Variants in ASTN2 observed in about 807,000 individuals in gnomAD.
The protein encoded by ASTN2 is astrotactin 2.
In ASTN2, 54 loss-of-function variants were observed where a neutral mutation model predicts 139.8. The observed-to-expected ratio is 0.39, with a 90% CI of 0.31 to 0.48. ASTN2 has a LOEUF of 0.48. Ranked by LOEUF, ASTN2 falls within the 20% of genes least tolerant of loss-of-function variation. The probability of loss-of-function intolerance (pLI) is 0.95; values close to 1 mark genes in which losing one functional copy is unlikely to be tolerated. For synonymous variants in ASTN2, 756 were observed against 719.5 expected, an observed-to-expected ratio of 1.05 and a Z score of -0.81; for missense variants, 1,565 against 1,725.1, an observed-to-expected ratio of 0.91 and a Z score of 1.64.
intron 12 of ASTN2, among the ~76,000 whole-genome samples, chr9:116,816,935 G>A (rs1000190837): frequency 1.8e-4 from 13 of 72,622 alleles, no homozygotes; most frequent in African/African-American, 5.2e-4. Context: ...GAGGGAAAAT[G>A]TCATTTCTAT....
intron 3 of ASTN2, among the ~76,000 whole-genome samples, chr9:117,150,356 C>T (rs563339052): frequency 1.2e-4 from 19 of 152,302 alleles, no homozygotes; most frequent in African/African-American, 3.6e-4. Context: ...TGAACTTCCA[C>T]GTTACAGAGA....
intron 5 of ASTN2, among the ~76,000 whole-genome samples, chr9:117,092,432 G>A (rs1311008613): frequency 1.3e-5 from 2 of 152,108 alleles, no homozygotes; most frequent in Non-Finnish European, 1.5e-5. Context: ...ACACAGAAAC[G>A]TGGTGGCAAA....
chr9:116,729,553 A>G (rs890616585), intron 14 of ASTN2, among the ~76,000 whole-genome samples: 2 of 152,246 alleles, frequency 1.3e-5, no homozygotes, highest in African/African-American at 2.4e-5. Flanking sequence ...TAAGTAAACT[A>G]CAGCCTATTT....
In ASTN2 at chr9:117,135,101, T is replaced by A. The variant is rs532411412; in HGVS notation, c.1168+6225A>T. On this transcript the variant is annotated intron_variant, in intron 4 of 22. Transcript: ENST00000313400. Reference sequence around the variant, plus strand: ...CTGCCAATGCAAGAGAAGCTGCACGTACTTCCTTCCAGGATCTAGACTAGG... The same window carrying A: ...CTGCCAATGCAAGAGAAGCTGCACGAACTTCCTTCCAGGATCTAGACTAGG... 2.0e-5 allele frequency among the ~76,000 whole-genome samples: 3 copies of A among 152,346 alleles called. No individual in the cohort carries two copies. In the South Asian group the frequency reaches 6.2e-4, roughly 32 times the overall value.
intron 2 of ASTN2, among the ~76,000 whole-genome samples, chr9:117,289,490 T>C (rs190447022): frequency 3.3e-5 from 5 of 152,182 alleles, no homozygotes; most frequent in African/African-American, 4.8e-5. Context: ...AAAAGACACA[T>C]TGGAGGCTCA....
At chr9:117,324,329 T>G (rs1173221061) in intron 1 of ASTN2, among the ~76,000 whole-genome samples, 2 of 152,192 alleles carry the variant, frequency 1.3e-5, no homozygotes, top group African/African-American at 4.8e-5. Context: ...TACGTGAGAC[T>G]GGGTAATTTG....
At chr9:116,638,065 G>T (rs1397604557) in intron 17 of ASTN2, among the ~76,000 whole-genome samples, 2 of 152,144 alleles carry the variant, frequency 1.3e-5, no homozygotes, top group African/African-American at 4.8e-5. Context: ...TAGGAGAAAA[G>T]AATCAAGTAA....
At chr9:117,060,333 AGAAAGAAAGAGAGAAAGAAAG>A in intron 5 of ASTN2, among the ~76,000 whole-genome samples, 1 of 78,718 alleles carries the variant, frequency 1.3e-5, no homozygotes, top group African/African-American at 6.5e-5. Context: ...AAAGAAAGAA[AGAAAGAAAGAGAGAAAGAAAG>A]AAAGAAAGAA....
At chr9:116,800,025 G>A (rs533105326) in intron 13 of ASTN2, among the ~76,000 whole-genome samples, 17 of 152,242 alleles carry the variant, frequency 1.1e-4, no homozygotes, top group Non-Finnish European at 2.4e-4. Flanking sequence ...TAATCCAGTG[G>A]TCTCTCTCAG....
intron 20 of ASTN2, among the ~76,000 whole-genome samples, chr9:116,481,662 G>A (rs1849172708): frequency 1.3e-5 from 2 of 152,120 alleles, no homozygotes; most frequent in African/African-American, 4.8e-5. Flanking sequence ...AATTTAATTT[G>A]GGGGAGGTAT....
intron 10 of ASTN2, among the ~76,000 whole-genome samples, chr9:116,915,131 G>A (rs953872264): frequency 4.6e-5 from 7 of 152,268 alleles, no homozygotes; most frequent in Non-Finnish European, 8.8e-5. Context: ...TTGCCCTGGG[G>A]AGCAGTCCCC....
At chr9:116,561,035 T>C (rs1386981528) in intron 19 of ASTN2, among the ~76,000 whole-genome samples, 1 of 152,142 alleles carries the variant, frequency 6.6e-6, no homozygotes, top group South Asian at 2.1e-4. Flanking sequence ...TTTGTAAAGA[T>C]GAAGCTGAGA....
chr9:116,504,914 A>C (rs1322143471), intron 19 of ASTN2, among the ~76,000 whole-genome samples: 11 of 148,586 alleles, frequency 7.4e-5, no homozygotes, highest in Admixed American at 4.0e-4. Context: ...AAAAAAAAAA[A>C]CCCAAAACAA....
chr9:116,955,049 C>T (rs980694062), intron 10 of ASTN2, among the ~76,000 whole-genome samples: 2 of 152,212 alleles, frequency 1.3e-5, no homozygotes, highest in African/African-American at 4.8e-5. Context: ...AATGAGAAGG[C>T]ACAAGATGAC....
chr9:117,018,848 T>G (rs375927888), intron 6 of ASTN2, among the ~76,000 whole-genome samples: 1 of 152,106 alleles, frequency 6.6e-6, no homozygotes, highest in African/African-American at 2.4e-5. Flanking sequence ...GAAATACCAG[T>G]AGAGGGTAGG....
chr9:117,063,981 T>C (rs1265302807), intron 5 of ASTN2, among the ~76,000 whole-genome samples: 1 of 152,036 alleles, frequency 6.6e-6, no homozygotes, highest in African/African-American at 2.4e-5. Context: ...CTCTTTTGGA[T>C]ACATGAAAGC....
intron 17 of ASTN2, among the ~76,000 whole-genome samples, chr9:116,627,535 G>T (rs1314990572): frequency 3.9e-5 from 6 of 152,188 alleles, no homozygotes; most frequent in African/African-American, 7.2e-5. Flanking sequence ...AGCATTTACT[G>T]ACAGGGTGGT....
chr9:117,300,618 G>A (rs1472658387), intron 1 of ASTN2, among the ~76,000 whole-genome samples: 1 of 152,182 alleles, frequency 6.6e-6, no homozygotes, highest in African/African-American at 2.4e-5. Context: ...GGGCAAGCAG[G>A]GAGAGTCTAT....
chr9:116,696,609 T>C (rs1022576650), intron 16 of ASTN2, among the ~76,000 whole-genome samples: 5 of 152,194 alleles, frequency 3.3e-5, no homozygotes, highest in African/African-American at 1.2e-4. Flanking sequence ...TCCCTTCAGA[T>C]TGGAATGACT....
Sources: allele counts gnomAD v4.1 joint callset (sites outside exome capture counted in the v4.1 genomes callset), GRCh38; gene constraint gnomAD v4.1.1; transcripts MANE v1.5; gene names NCBI Gene and HGNC (gene_info 2026-07-23, HGNC 2026-07-21).